The following ABTB3 variants were observed in gnomAD, a reference collection of about 807,000 sequenced individuals.
ABTB3 encodes the protein ankyrin repeat and BTB domain containing 3.
the ABTB3 span, among the ~76,000 whole-genome samples, chr12:107,331,690 G>A: frequency 9.9e-5 from 15 of 152,278 alleles, no homozygotes; most frequent in African/African-American, 3.6e-4. Flanking sequence ...GCACCACCAG[G>A]GCAGGCAGAG....
chr12:107,560,595 T>G, the ABTB3 span, among the ~76,000 whole-genome samples: 1 of 152,172 alleles, frequency 6.6e-6, no homozygotes, highest in African/African-American at 2.4e-5. Context: ...GAAGATCGCT[T>G]TTCACATCTC....
chr12:107,391,795 C>T, the ABTB3 span, among the ~76,000 whole-genome samples: 1 of 152,166 alleles, frequency 6.6e-6, no homozygotes, highest in Admixed American at 6.5e-5. Flanking sequence ...GGCTCTGCTT[C>T]ATAGAGGCCT....
the ABTB3 span, among the ~76,000 whole-genome samples, chr12:107,555,418 G>C: frequency 2.0e-5 from 3 of 152,190 alleles, no homozygotes; most frequent in African/African-American, 7.2e-5. Context: ...TTAAGAAACA[G>C]CTCTCTCTCA....
At chr12:107,554,984 G>A in the ABTB3 span, among the ~76,000 whole-genome samples, 2 of 152,198 alleles carry the variant, frequency 1.3e-5, no homozygotes, top group East Asian at 1.9e-4. Context: ...GCAGGGCCTC[G>A]ACTCCCCTTC....
chr12:107,365,399 G>A, the ABTB3 span, among the ~76,000 whole-genome samples: 2 of 152,010 alleles, frequency 1.3e-5, no homozygotes, highest in Non-Finnish European at 2.9e-5. Context: ...CACATATATG[G>A]ACACAATACA....
At chr12:107,332,688 G>A in the ABTB3 span, among the ~76,000 whole-genome samples, 18 of 152,300 alleles carry the variant, frequency 1.2e-4, no homozygotes, top group East Asian at 3.9e-4. Flanking sequence ...AGCAGAGGCC[G>A]GGGTTGAACC....
chr12:107,467,872 G>A, the ABTB3 span, among the ~76,000 whole-genome samples: 1 of 152,146 alleles, frequency 6.6e-6, no homozygotes, highest in Admixed American at 6.5e-5. Flanking sequence ...ACAAACAACA[G>A]AGGCTTGCCT....
At chr12:107,518,855 G>A in the ABTB3 span, among the ~76,000 whole-genome samples, 1 of 152,062 alleles carries the variant, frequency 6.6e-6, no homozygotes, top group Non-Finnish European at 1.5e-5. Flanking sequence ...TGTTCTTTAG[G>A]TCTCTGATAA....
chr12:107,617,739 A>C, the ABTB3 span: 1 of 394,168 alleles, frequency 2.5e-6, no homozygotes. Context: ...TGAAGTAAGA[A>C]AAATCCATTT....
chr12:107,444,688 A>G, the ABTB3 span, among the ~76,000 whole-genome samples: 1 of 152,074 alleles, frequency 6.6e-6, no homozygotes. Context: ...TTCAAAATCC[A>G]TACTTATTGA....
chr12:107,482,913 C>CTTCTTCTTTCT, the ABTB3 span, among the ~76,000 whole-genome samples: 1 of 117,998 alleles, frequency 8.5e-6, no homozygotes, highest in African/African-American at 3.4e-5. Flanking sequence ...TCTCTTTCTT[C>CTTCTTCTTTCT]TTCTTTCTTT....
chr12:107,492,018 C>T, the ABTB3 span, among the ~76,000 whole-genome samples: 1 of 152,038 alleles, frequency 6.6e-6, no homozygotes, highest in East Asian at 1.9e-4. Flanking sequence ...ATGGCTAGGG[C>T]TTTTAAGGGT....
the ABTB3 span, among the ~76,000 whole-genome samples, chr12:107,568,554 T>C: frequency 1.3e-5 from 2 of 152,184 alleles, no homozygotes; most frequent in Non-Finnish European, 2.9e-5. Flanking sequence ...AAAATTTTAG[T>C]TCTTCAATCA....
chr12:107,319,427 C>T, the ABTB3 span: 1 of 1,606,834 alleles, frequency 6.2e-7, no homozygotes, highest in Non-Finnish European at 8.5e-7. Context: ...GTACGAGATC[C>T]AGAGCGCCAT....
the ABTB3 span, chr12:107,319,824 C>T: frequency 1.6e-6 from 2 of 1,252,448 alleles, no homozygotes; most frequent in Non-Finnish European, 1.0e-6. Flanking sequence ...GGGGGAGGAG[C>T]GGCGAGCGGC....
chr12:107,538,587 G>T, the ABTB3 span, among the ~76,000 whole-genome samples: 7 of 152,328 alleles, frequency 4.6e-5, no homozygotes, highest in Middle Eastern at 3.4e-3. Flanking sequence ...GGATTCTGTT[G>T]ATTTCAGCAC....
At chr12:107,647,812 G>A in the ABTB3 span, among the ~76,000 whole-genome samples, 64 of 152,170 alleles carry the variant, frequency 4.2e-4, 1 homozygote, top group Non-Finnish European at 4.4e-5. Context: ...TCACAGATAC[G>A]AAACTGAGAC....
the ABTB3 span, among the ~76,000 whole-genome samples, chr12:107,385,587 G>A: frequency 6.6e-6 from 1 of 152,132 alleles, no homozygotes; most frequent in Non-Finnish European, 1.5e-5. Context: ...AAGCCTTCCC[G>A]AGGTGTGGTG....
chr12:107,574,979 T>G, the ABTB3 span, among the ~76,000 whole-genome samples: 2 of 152,200 alleles, frequency 1.3e-5, no homozygotes, highest in African/African-American at 4.8e-5. Context: ...CTCTACCATC[T>G]TCCCGGCTTT....
Sources: allele counts gnomAD v4.1 joint callset (sites outside exome capture counted in the v4.1 genomes callset), GRCh38; gene constraint gnomAD v4.1.1; transcripts MANE v1.5; gene names NCBI Gene and HGNC (gene_info 2026-07-23, HGNC 2026-07-21).